MOCOS: variants seen among roughly 807,000 people sequenced by gnomAD.
MOCOS encodes the protein human molybdenum cofactor sulfurase.
In MOCOS, 86 loss-of-function variants were observed where a neutral mutation model predicts 83.6. The ratio of observed to expected loss-of-function variants is 1.03; its 90% CI spans 0.86 to 1.23. The LOEUF (loss-of-function observed/expected upper bound fraction) is 1.23, where lower values mean the gene tolerates loss of function less well. Ranked by LOEUF, MOCOS falls within the 50% of genes most tolerant of loss-of-function variation. The probability of loss-of-function intolerance (pLI) is 0.00; values close to 1 mark genes in which losing one functional copy is unlikely to be tolerated. For synonymous variants in MOCOS, 445 were observed against 434.7 expected (o/e 1.02, Z -0.29); for missense variants, 1,120 against 1,126.9 (o/e 0.99, Z 0.09).
chr18:36,268,237 A>G (rs911666326), intron 14 of MOCOS, among the ~76,000 whole-genome samples: 2 of 152,222 alleles, frequency 1.3e-5, no homozygotes, highest in Admixed American at 1.3e-4. Context: ...GAGAGTAGGA[A>G]GAAAGTCCTT....
chr18:36,254,089 G>A (rs114246048), intron 11 of MOCOS, among the ~76,000 whole-genome samples: 2 of 152,178 alleles, frequency 1.3e-5, no homozygotes, highest in Admixed American at 6.5e-5. Context: ...CTCCCTGCAC[G>A]ATGCAGAATC....
At chr18:36,256,590 C>T (rs987611034) in intron 11 of MOCOS, among the ~76,000 whole-genome samples, 1 of 151,964 alleles carries the variant, frequency 6.6e-6, no homozygotes, top group Non-Finnish European at 1.5e-5. Flanking sequence ...GCAGGGATTA[C>T]AGGTGTGTAC....
rs60856965 is a variant in MOCOS at position 36,210,850 on chromosome 18, C to CAAAAAAAAAAAAAAAA, written c.1219-2501_1219-2486dup. Among the ~76,000 whole-genome samples, 226 of 48,038 alleles carry CAAAAAAAAAAAAAAAA rather than the reference C, an allele frequency of 4.7e-3. 24 individuals carry two copies. Among genetic ancestry groups the CAAAAAAAAAAAAAAAA allele is most frequent in the Non-Finnish European group, 5.4e-3 (153 of 28,250 alleles). 31.5% of individuals were successfully genotyped at this position (48,038 alleles called of 152,430 possible). A position where few individuals can be genotyped will look rare whatever the true frequency, so the allele number is the denominator to read the frequency against. On this transcript the variant is annotated intron_variant, in intron 6 of 14. Transcript: ENST00000261326. ...TGGGTGACAGAGCAAGACTCTGTCTCAAAAAAAAAAAAAAAAAAAAAAAAA... is the reference window on the plus strand; with the variant it reads ...TGGGTGACAGAGCAAGACTCTGTCTCAAAAAAAAAAAAAAAAAAAAAAAAAAAAAAAAAAAAAAAAA...
In MOCOS at chr18:36,193,970, A is replaced by C. The variant is rs117076963; in HGVS notation, c.143-1287A>C. On this transcript the variant is annotated intron_variant, in intron 1 of 14. Transcript: ENST00000261326. ...TACTATTCTGCCATAACAGGAATGA[A>C]GTTCTGATACATGCTAAAATGTGGA... 6.1e-4 allele frequency among the ~76,000 whole-genome samples: 93 copies of C among 152,372 alleles called. 1 individual carries two copies. In the East Asian group the frequency reaches 0.016, roughly 26 times the overall value.
intron 1 of MOCOS, among the ~76,000 whole-genome samples, chr18:36,191,360 G>C (rs950152608): frequency 1.3e-5 from 2 of 152,216 alleles, no homozygotes; most frequent in Non-Finnish European, 2.9e-5. Flanking sequence ...TCTCACGCCA[G>C]CTGCAGCCAC....
intron 1 of MOCOS, among the ~76,000 whole-genome samples, chr18:36,188,872 C>G (rs1004542963): frequency 6.6e-6 from 1 of 151,810 alleles, no homozygotes; most frequent in African/African-American, 2.4e-5. Flanking sequence ...CCTTCCCTCT[C>G]GCAGGGTCAC....
intron 13 of MOCOS, among the ~76,000 whole-genome samples, chr18:36,266,055 G>T (rs2091680619): frequency 6.6e-6 from 1 of 152,134 alleles, no homozygotes. Flanking sequence ...TGGATTTTTA[G>T]ATGTGAAGTT....
In MOCOS at chr18:36,256,993, C is replaced by G. The variant is rs1325922482; in HGVS notation, c.2190C>G (p.Thr730=). The change falls in exon 12 of 15, where the codon ACC becomes ACG. Residue 730 remains threonine, a synonymous_variant. Transcript: ENST00000261326. ...ATCAACTTCCTGGTACAATGGCCAC[C>G]CTTTCTCTGGTGAATGAGGCACAGT... ...GKDQLPGTMA[T]LSLVNEAQYL... 3 of 1,613,970 alleles carry G rather than the reference C, an allele frequency of 1.9e-6. No homozygotes were observed. The highest frequency in any genetic ancestry group is 1.6e-4 in the Middle Eastern group (1 of 6,084).
At chr18:36,250,006 G>A (rs1270484110) in intron 10 of MOCOS, among the ~76,000 whole-genome samples, 1 of 152,090 alleles carries the variant, frequency 6.6e-6, no homozygotes, top group Admixed American at 6.5e-5. Context: ...ATGTTTCTAA[G>A]TCTTTTTATT....
intron 9 of MOCOS, among the ~76,000 whole-genome samples, chr18:36,234,912 AACTT>A (rs1162596160): frequency 6.6e-6 from 1 of 152,120 alleles, no homozygotes; most frequent in African/African-American, 2.4e-5. Flanking sequence ...ATCTCATAAG[AACTT>A]ACTCACTATC....
chr18:36,251,911 C>T (rs114777576), intron 11 of MOCOS, among the ~76,000 whole-genome samples: 1 of 152,136 alleles, frequency 6.6e-6, no homozygotes, highest in East Asian at 1.9e-4. Context: ...CAGAACAGCA[C>T]CCTGTACCTG....
chr18:36,188,367 T>C (rs1359397114), intron 1 of MOCOS, among the ~76,000 whole-genome samples: 1 of 152,212 alleles, frequency 6.6e-6, no homozygotes, highest in Non-Finnish European at 1.5e-5. Flanking sequence ...AACACCAAGA[T>C]CACATCGTGC....
At chr18:36,187,764 C>T in intron 1 of MOCOS, 83 bp downstream of exon 1, 2 of 1,228,190 alleles carry the variant, frequency 1.6e-6, no homozygotes, top group Non-Finnish European at 2.0e-6. Flanking sequence ...GAGAGCGGCG[C>T]TACCTCATTC....
At chr18:36,234,924 A>G (rs2091552202) in intron 9 of MOCOS, among the ~76,000 whole-genome samples, 1 of 152,118 alleles carries the variant, frequency 6.6e-6, no homozygotes, top group African/African-American at 2.4e-5. Flanking sequence ...CTTACTCACT[A>G]TCATGCAAAC....
chr18:36,248,002 T>G lies in MOCOS; in HGVS notation c.1961-920T>G, dbSNP rs569484937. 1.1e-4 allele frequency among the ~76,000 whole-genome samples: 17 copies of G among 152,314 alleles called. No individual in the cohort carries two copies. The South Asian group carries it at 2.1e-3, about 19-fold the overall frequency. On this transcript the variant is annotated intron_variant, in intron 9 of 14. Transcript: ENST00000261326. ...ATTGCTGGATCATACGGTATTTTTA[T>G]TTTTAGTTTTCTGAAGAACCTCAGT...
intron 11 of MOCOS, among the ~76,000 whole-genome samples, chr18:36,255,872 C>T (rs1239143440): frequency 1.4e-5 from 2 of 146,340 alleles, no homozygotes; most frequent in Admixed American, 7.3e-5. Context: ...TAGTTTCGTC[C>T]CCCTTTTAGT....
chr18:36,213,602 G>A, intron 7 of MOCOS, 120 bp downstream of exon 7: 1 of 839,326 alleles, frequency 1.2e-6, no homozygotes, highest in Non-Finnish European at 2.0e-6. Context: ...CCTACTCTGT[G>A]CATGTACAAA....
In MOCOS at chr18:36,193,317, C is replaced by CAAA. The variant is rs555145311; in HGVS notation, c.143-1904_143-1902dup. On this transcript the variant is annotated intron_variant, in intron 1 of 14. Coordinates refer to ENST00000261326, the MANE Select transcript of MOCOS (RefSeq NM_017947.4). ...TGGGCGACAGAGCGAGACTCCGTCT[C>CAAA]AAAAAAAAAAAAAAAAAAAAAAAAA... is the stretch of plus-strand genomic sequence containing the variant. Among the ~76,000 whole-genome samples the CAAA allele has an allele frequency of 1.4e-3, 54 of 38,308 alleles. 12 individuals carry two copies. Among genetic ancestry groups the CAAA allele is most frequent in the East Asian group, 5.3e-3 (4 of 754 alleles). 25.1% of individuals were successfully genotyped at this position (38,308 alleles called of 152,430 possible). A position where few individuals can be genotyped will look rare whatever the true frequency, so the allele number is the denominator to read the frequency against.
chr18:36,206,023 A>G (rs1421471875), intron 6 of MOCOS, among the ~76,000 whole-genome samples: 1 of 152,092 alleles, frequency 6.6e-6, no homozygotes, highest in Non-Finnish European at 1.5e-5. Context: ...TATAGGTGTG[A>G]GCCACTGTGC....
Sources: allele counts gnomAD v4.1 joint callset (sites outside exome capture counted in the v4.1 genomes callset), GRCh38; gene constraint gnomAD v4.1.1; transcripts MANE v1.5; gene names NCBI Gene and HGNC (gene_info 2026-07-23, HGNC 2026-07-21).